Variants in LDLRAD3 observed in about 807,000 individuals in gnomAD.
LDLRAD3 encodes the protein low density lipoprotein receptor class A domain containing 3.
LDLRAD3 carries 20 observed loss-of-function variants against 29.4 expected under a neutral mutation model. The observed-to-expected ratio is 0.68, with a 90% CI of 0.48 to 0.99. The LOEUF (loss-of-function observed/expected upper bound fraction) is 0.99, where lower values mean the gene tolerates loss of function less well. Ranked by LOEUF, LDLRAD3 falls within the 50% of genes least tolerant of loss-of-function variation. The pLI, the probability that LDLRAD3 is intolerant of heterozygous loss-of-function variation, is 0.00. For synonymous variants in LDLRAD3, 157 were observed against 192.7 expected (o/e 0.81, Z 1.53); for missense variants, 420 against 454.3 (o/e 0.92, Z 0.69).
chr11:36,178,825 CATGTAATTTATACTGCTTTTCCATCACTT>C (rs1280823282), intron 4 of LDLRAD3, among the ~76,000 whole-genome samples: 5 of 152,202 alleles, frequency 3.3e-5, no homozygotes, highest in Non-Finnish European at 5.9e-5. Flanking sequence ...ACATCCATAG[CATGTAATTTATACTGCTTTTCCATCACTT>C]ATGGTGGAGA....
intron 4 of LDLRAD3, among the ~76,000 whole-genome samples, chr11:36,174,057 C>T (rs1854636576): frequency 6.6e-6 from 1 of 152,168 alleles, no homozygotes; most frequent in South Asian, 2.1e-4. Flanking sequence ...AGAAATAATA[C>T]TACACATCTG....
chr11:36,119,677 G>A (rs1206746393), intron 4 of LDLRAD3, among the ~76,000 whole-genome samples: 1 of 151,744 alleles, frequency 6.6e-6, no homozygotes, highest in East Asian at 1.9e-4. Flanking sequence ...CCATTTGTAA[G>A]TTGAGGTCTT....
chr11:36,199,377 G>A (rs1855083927), intron 4 of LDLRAD3, among the ~76,000 whole-genome samples: 2 of 152,198 alleles, frequency 1.3e-5, no homozygotes, highest in Non-Finnish European at 2.9e-5. Context: ...CACCTTTATA[G>A]AAGATACTTC....
Position 36,098,325 on chromosome 11 carries a change from A to G in LDLRAD3, c.320-2A>G. The G allele has an allele frequency of 1.9e-6, 3 of 1,613,880 alleles. No individual in the cohort carries two copies. The highest frequency in any genetic ancestry group is 2.5e-6 in the Non-Finnish European group (3 of 1,180,012). On this transcript the variant is annotated splice_acceptor_variant, in intron 3 of 5. Coordinates refer to ENST00000315571, the MANE Select transcript of LDLRAD3 (RefSeq NM_174902.4). LOFTEE classifies it high-confidence loss of function. Reference sequence around the variant, plus strand: ...GTAATGTGCTGTGTTTTCCCTCTGCAGCAGCAAACCCTCTGCTTTGCTCCA... The same window carrying G: ...GTAATGTGCTGTGTTTTCCCTCTGCGGCAGCAAACCCTCTGCTTTGCTCCA...
chr11:35,996,463 T>TA (rs1851756086), intron 1 of LDLRAD3, among the ~76,000 whole-genome samples: 1 of 152,042 alleles, frequency 6.6e-6, no homozygotes, highest in South Asian at 2.1e-4. Flanking sequence ...ATAATAATAA[T>TA]AAAAAAGTTT....
At chr11:35,998,075 C>T (rs1319059486) in intron 1 of LDLRAD3, among the ~76,000 whole-genome samples, 4 of 152,196 alleles carry the variant, frequency 2.6e-5, no homozygotes, top group Non-Finnish European at 4.4e-5. Context: ...AGGGTGCTTG[C>T]ACCACCTGTT....
At position 36,209,312 on chromosome 11, in the gene LDLRAD3, A is replaced by G. The variant is rs558313916; in HGVS notation, c.455-17773A>G. On this transcript the variant is annotated intron_variant, in intron 4 of 5. Coordinates refer to ENST00000315571, the MANE Select transcript of LDLRAD3 (RefSeq NM_174902.4). ...TTGTTCTGTGGTTAGGAAAGGGATC[A>G]TCACTAGGGGAACCTAGATGAAGGA... Among the ~76,000 whole-genome samples, 5 of 149,952 alleles carry G rather than the reference A, an allele frequency of 3.3e-5. No homozygotes were observed. The East Asian group carries it at 9.8e-4, about 29-fold the overall frequency.
intron 4 of LDLRAD3, among the ~76,000 whole-genome samples, chr11:36,190,701 T>C (rs1590343115): frequency 6.6e-6 from 1 of 151,774 alleles, no homozygotes; most frequent in East Asian, 1.9e-4. Context: ...AGAACAGTGG[T>C]TTTCAGACAG....
intron 1 of LDLRAD3, among the ~76,000 whole-genome samples, chr11:35,951,268 T>C (rs1312412323): frequency 6.6e-6 from 1 of 152,166 alleles, no homozygotes. Context: ...AGCTTTAACA[T>C]GGATTTATAA....
At chr11:36,016,275 TAATAAGCAGTCACCCACAGG>T in intron 1 of LDLRAD3, among the ~76,000 whole-genome samples, 1 of 152,196 alleles carries the variant, frequency 6.6e-6, no homozygotes, top group African/African-American at 2.4e-5. Flanking sequence ...GCTAACTCAT[TAATAAGCAGTCACCCACAGG>T]TTTCTCCAAG....
chr11:36,172,987 A>G (rs2133349813), intron 4 of LDLRAD3, among the ~76,000 whole-genome samples: 1 of 152,308 alleles, frequency 6.6e-6, no homozygotes, highest in Middle Eastern at 3.4e-3. Context: ...TTTTTTAATT[A>G]TCATTTCAAT....
At chr11:35,983,536 G>A (rs1170326226) in intron 1 of LDLRAD3, among the ~76,000 whole-genome samples, 1 of 152,232 alleles carries the variant, frequency 6.6e-6, no homozygotes, top group Non-Finnish European at 1.5e-5. Context: ...CTAGACCCCT[G>A]TAGGGGGGTG....
intron 4 of LDLRAD3, 95 bp from the exon 5 acceptor site, chr11:36,226,990 A>G: frequency 1.0e-6 from 1 of 999,494 alleles, no homozygotes; most frequent in African/African-American, 1.6e-5. Context: ...GCTACTGTGA[A>G]CATTCGCATG....
At chr11:36,049,985 T>C (rs777260036) in intron 2 of LDLRAD3, among the ~76,000 whole-genome samples, 52 of 152,174 alleles carry the variant, frequency 3.4e-4, no homozygotes, top group Non-Finnish European at 6.8e-4. Context: ...TCTTTCAGGA[T>C]CTAGCAATAA....
At chr11:36,108,605 A>G (rs967015199) in intron 4 of LDLRAD3, among the ~76,000 whole-genome samples, 2 of 152,084 alleles carry the variant, frequency 1.3e-5, no homozygotes, top group South Asian at 2.1e-4. Context: ...AGTTGAAACC[A>G]GAAGGATGGG....
intron 4 of LDLRAD3, among the ~76,000 whole-genome samples, chr11:36,099,504 A>G (rs893544250): frequency 1.3e-5 from 2 of 152,094 alleles, no homozygotes; most frequent in Non-Finnish European, 1.5e-5. Context: ...GTCTTGACTT[A>G]TGTTCAGTGT....
chr11:36,180,820 G>A (rs144420188), intron 4 of LDLRAD3, among the ~76,000 whole-genome samples: 2 of 152,154 alleles, frequency 1.3e-5, no homozygotes, highest in East Asian at 1.9e-4. Flanking sequence ...TGGTAAGAAC[G>A]GTCAGTGCGG....
chr11:36,206,725 CTTTTTT>C (rs33957569), intron 4 of LDLRAD3, among the ~76,000 whole-genome samples: 2 of 133,128 alleles, frequency 1.5e-5, no homozygotes, highest in Non-Finnish European at 3.2e-5. Context: ...GTTGATTTTA[CTTTTTT>C]TTTTTTTTTT....
intron 2 of LDLRAD3, among the ~76,000 whole-genome samples, chr11:36,055,751 C>T (rs933049885): frequency 2.0e-5 from 3 of 152,252 alleles, no homozygotes; most frequent in Admixed American, 1.3e-4. Context: ...TCGCTTTTCT[C>T]AGCCGTAGTT....
Sources: gnomAD v4.1 joint callset for allele counts (sites outside exome capture counted in the v4.1 genomes callset) on GRCh38, gnomAD v4.1.1 for gene constraint, MANE v1.5 for transcripts, NCBI Gene and HGNC (gene_info 2026-07-23, HGNC 2026-07-21) for gene names.